APBA1: variants seen among roughly 807,000 people sequenced by gnomAD.
APBA1 encodes the protein amyloid-beta A4 precursor protein-binding family A member 1.
A neutral mutation model predicts 86.6 loss-of-function variants in APBA1; 55 were observed. The observed-to-expected ratio is 0.64, with a 90% confidence interval of 0.51 to 0.80. APBA1 has a LOEUF of 0.80. Among genes scored for constraint, APBA1 ranks in the 30% least tolerant of loss-of-function variants. The probability of loss-of-function intolerance (pLI) is 0.00; values close to 1 mark genes in which losing one functional copy is unlikely to be tolerated. For missense variants in APBA1, 1,090 were observed against 1,183.0 expected, an observed-to-expected ratio of 0.92 and a Z score of 1.15; for synonymous variants, 511 against 493.9, an observed-to-expected ratio of 1.03 and a Z score of -0.46.
At chr9:69,436,586 T>TGTG in intron 11 of APBA1, among the ~76,000 whole-genome samples, 1 of 126,976 alleles carries the variant, frequency 7.9e-6, no homozygotes, top group Non-Finnish European at 1.7e-5. Flanking sequence ...TGTTTGTTGT[T>TGTG]GGTGTATAAG....
chr9:69,616,944 G>C (rs1275176125), intron 1 of APBA1, among the ~76,000 whole-genome samples: 1 of 152,176 alleles, frequency 6.6e-6, no homozygotes, highest in South Asian at 2.1e-4. Flanking sequence ...TGAAGGGAGG[G>C]ACATGCACAA....
At chr9:69,523,608 G>C (rs371825017) in intron 1 of APBA1, among the ~76,000 whole-genome samples, 1 of 148,324 alleles carries the variant, frequency 6.7e-6, no homozygotes, top group African/African-American at 2.5e-5. Flanking sequence ...CCTATGAAAA[G>C]ACTTAGCCAT....
At chr9:69,433,808 CT>C (rs35255395) in intron 11 of APBA1, among the ~76,000 whole-genome samples, 33,470 of 128,322 alleles carry the variant, frequency 0.26, 4,092 homozygotes, top group Non-Finnish European at 0.3. Context: ...TTACCTAGGA[CT>C]TTTTTTTTTT....
intron 1 of APBA1, among the ~76,000 whole-genome samples, chr9:69,527,368 A>G (rs1330857218): frequency 6.6e-6 from 1 of 152,166 alleles, no homozygotes; most frequent in East Asian, 1.9e-4. Context: ...CTATTTTGAA[A>G]TGAAGCTGGG....
intron 2 of APBA1, among the ~76,000 whole-genome samples, chr9:69,504,057 C>T (rs1246952476): frequency 6.6e-6 from 1 of 152,104 alleles, no homozygotes; most frequent in Admixed American, 6.5e-5. Context: ...TGAAGATAGA[C>T]TGGCTGTAAG....
chr9:69,556,934 G>A (rs1373634808), intron 1 of APBA1, among the ~76,000 whole-genome samples: 1 of 152,166 alleles, frequency 6.6e-6, no homozygotes, highest in Non-Finnish European at 1.5e-5. Context: ...AGGGATCGCT[G>A]CGTTTCATCA....
At chr9:69,446,815 G>T (rs1177351022) in intron 10 of APBA1, among the ~76,000 whole-genome samples, 1 of 152,210 alleles carries the variant, frequency 6.6e-6, no homozygotes, top group Non-Finnish European at 1.5e-5. Context: ...AGGAGGAAAG[G>T]AGGTGACTCC....
intron 1 of APBA1, among the ~76,000 whole-genome samples, chr9:69,663,706 A>G (rs1823794531): frequency 2.0e-5 from 3 of 152,168 alleles, no homozygotes; most frequent in African/African-American, 7.2e-5. Flanking sequence ...TTTCATACAA[A>G]TTGTATGCTA....
intron 1 of APBA1, among the ~76,000 whole-genome samples, chr9:69,555,730 A>G (rs1836850783): frequency 6.6e-6 from 1 of 152,224 alleles, no homozygotes; most frequent in African/African-American, 2.4e-5. Context: ...GCAATGAGAA[A>G]GGATACTTCA....
At chr9:69,465,103 T>A (rs748199648) in intron 5 of APBA1, 4 of 152,384 alleles carry the variant, frequency 2.6e-5, no homozygotes, top group Non-Finnish European at 4.4e-5. Flanking sequence ...TTTGGCATTT[T>A]GGTAGAGATA....
At chr9:69,447,016 A>C (rs3793608) in intron 10 of APBA1, among the ~76,000 whole-genome samples, 98,391 of 152,052 alleles carry the variant, frequency 0.65, 32,315 homozygotes, top group South Asian at 0.77. Context: ...TGGAAGTCTG[A>C]GCTCAGCGTA....
At chr9:69,470,890 C>T (rs1229989559) in intron 4 of APBA1, among the ~76,000 whole-genome samples, 1 of 152,252 alleles carries the variant, frequency 6.6e-6, no homozygotes. Flanking sequence ...CAGAGCTTGG[C>T]GGAACTTTGG....
intron 1 of APBA1, among the ~76,000 whole-genome samples, chr9:69,559,424 T>C (rs1241497814): frequency 6.6e-6 from 1 of 152,198 alleles, no homozygotes; most frequent in Non-Finnish European, 1.5e-5. Context: ...ATTCAGACAT[T>C]TATCCCTATT....
At chr9:69,657,799 A>G (rs1823641503) in intron 1 of APBA1, among the ~76,000 whole-genome samples, 1 of 152,230 alleles carries the variant, frequency 6.6e-6, no homozygotes, top group South Asian at 2.1e-4. Context: ...TTAACGTGAC[A>G]AATTTACCAC....
chr9:69,485,675 C>T (rs539244387), intron 2 of APBA1, among the ~76,000 whole-genome samples: 25 of 152,176 alleles, frequency 1.6e-4, no homozygotes, highest in Admixed American at 2.6e-4. Context: ...ACACAGTGCG[C>T]AGAGATGACT....
intron 1 of APBA1, among the ~76,000 whole-genome samples, chr9:69,668,128 T>A (rs908900551): frequency 5.3e-5 from 8 of 152,222 alleles, no homozygotes; most frequent in African/African-American, 1.9e-4. Flanking sequence ...TCTTCTTTCT[T>A]CATTTTCTTT....
chr9:69,476,867 C>T (rs1729265268), intron 2 of APBA1, among the ~76,000 whole-genome samples: 1 of 152,184 alleles, frequency 6.6e-6, no homozygotes, highest in Non-Finnish European at 1.5e-5. Context: ...GCTCCCTGTG[C>T]AGGCAGGCCC....
At chr9:69,531,928 T>C (rs1387058430) in intron 1 of APBA1, among the ~76,000 whole-genome samples, 1 of 152,222 alleles carries the variant, frequency 6.6e-6, no homozygotes, top group Non-Finnish European at 1.5e-5. Flanking sequence ...CACTTAACCT[T>C]ACTGTGCTTC....
At chr9:69,455,609 A>C (rs1278562907) in intron 8 of APBA1, among the ~76,000 whole-genome samples, 1 of 152,134 alleles carries the variant, frequency 6.6e-6, no homozygotes, top group Non-Finnish European at 1.5e-5. Flanking sequence ...TTTCCTAAGG[A>C]CTGGGGTGGG....
Sources: gnomAD v4.1 joint callset for allele counts (sites outside exome capture counted in the v4.1 genomes callset) on GRCh38, gnomAD v4.1.1 for gene constraint, MANE v1.5 for transcripts, NCBI Gene and HGNC (gene_info 2026-07-23, HGNC 2026-07-21) for gene names.